Variants in SMPD3 observed in about 807,000 individuals in gnomAD.
SMPD3 encodes nSMase-2.
In SMPD3, 21 loss-of-function variants were observed where a neutral mutation model predicts 55.7. The observed-to-expected ratio is 0.38, with a 90% CI of 0.27 to 0.54. SMPD3 has a LOEUF of 0.54. Ranked by LOEUF, SMPD3 falls within the 20% of genes least tolerant of loss-of-function variation. The pLI is 0.80. For missense variants in SMPD3, 842 were observed against 899.6 expected, an observed-to-expected ratio of 0.94 and a Z score of 0.82; for synonymous variants, 457 against 404.3, an observed-to-expected ratio of 1.13 and a Z score of -1.56.
intron 3 of SMPD3, chr16:68,367,655 G>A (rs975081723): frequency 3.9e-5 from 6 of 152,262 alleles, no homozygotes; most frequent in Admixed American, 2.0e-4. Context: ...GAGGAGTGAC[G>A]AGGTCCTGCT....
intron 1 of SMPD3, among the ~76,000 whole-genome samples, chr16:68,400,080 C>G (rs1462689970): frequency 1.3e-5 from 2 of 152,212 alleles, no homozygotes; most frequent in East Asian, 1.9e-4. Flanking sequence ...AGTGGAGGAG[C>G]TGGGATTTGA....
intron 1 of SMPD3, among the ~76,000 whole-genome samples, chr16:68,417,540 C>T (rs1449296010): frequency 6.6e-6 from 1 of 152,202 alleles, no homozygotes; most frequent in African/African-American, 2.4e-5. Flanking sequence ...TGAACTTGGA[C>T]TTAGGAAATA....
chr16:68,442,106 C>G (rs937691099), intron 1 of SMPD3, among the ~76,000 whole-genome samples: 1 of 152,104 alleles, frequency 6.6e-6, no homozygotes, highest in African/African-American at 2.4e-5. Flanking sequence ...GGTATTGGAT[C>G]AAAGAAGCCT....
At chr16:68,441,699 T>C (rs1395311154) in intron 1 of SMPD3, among the ~76,000 whole-genome samples, 1 of 152,134 alleles carries the variant, frequency 6.6e-6, no homozygotes, top group Non-Finnish European at 1.5e-5. Context: ...AACAGATATA[T>C]AGACAGACAT....
chr16:68,370,955 A>G lies in SMPD3; in HGVS notation c.1227T>C (p.Phe409=), dbSNP rs1463760461. ...CGTCCATGATGGGGTAGCGGCTGGC[A>G]AAGAGGAGGCCGCTGTTGAGACACT... ...SFKCLNSGLL[F]ASRYPIMDVA... Residue 409 remains phenylalanine (F), a synonymous_variant, in exon 3 of 9, where the codon TTT becomes TTC. Transcript: ENST00000219334. The G allele has an allele frequency of 6.2e-7, 1 of 1,614,034 alleles. No individual in the cohort carries two copies. Among genetic ancestry groups the G allele is most frequent in the Admixed American group, 1.7e-5 (1 of 60,020 alleles).
chr16:68,405,191 T>G (rs1256719057), intron 1 of SMPD3, among the ~76,000 whole-genome samples: 2 of 152,090 alleles, frequency 1.3e-5, no homozygotes, highest in African/African-American at 2.4e-5. Context: ...CTCTGTATCT[T>G]CCATCCTGCT....
At chr16:68,427,981 C>A (rs1597664095) in intron 1 of SMPD3, among the ~76,000 whole-genome samples, 1 of 152,050 alleles carries the variant, frequency 6.6e-6, no homozygotes, top group Admixed American at 6.5e-5. Flanking sequence ...AGGGGAGGGT[C>A]TCATGCCACT....
At chr16:68,430,510 C>G (rs1040341317) in intron 1 of SMPD3, among the ~76,000 whole-genome samples, 8 of 152,214 alleles carry the variant, frequency 5.3e-5, no homozygotes, top group Non-Finnish European at 8.8e-5. Context: ...TAAATGGACT[C>G]TAGCTGACCC....
At chr16:68,378,304 G>A (rs1337584764) in intron 2 of SMPD3, among the ~76,000 whole-genome samples, 1 of 152,190 alleles carries the variant, frequency 6.6e-6, no homozygotes, top group African/African-American at 2.4e-5. Flanking sequence ...CATGAGCTCT[G>A]AGCTGCTGAA....
At chr16:68,438,031 C>A (rs180698901) in intron 1 of SMPD3, among the ~76,000 whole-genome samples, 13 of 152,264 alleles carry the variant, frequency 8.5e-5, no homozygotes, top group Admixed American at 3.9e-4. Flanking sequence ...TTTGCAATGA[C>A]CCCAACTCAG....
chr16:68,364,224 C>G (rs974874264), intron 5 of SMPD3, among the ~76,000 whole-genome samples: 1 of 152,170 alleles, frequency 6.6e-6, no homozygotes, highest in Non-Finnish European at 1.5e-5. Flanking sequence ...TCACTGATGA[C>G]GAGCTTGTAG....
chr16:68,427,208 G>C (rs543590252), intron 1 of SMPD3, among the ~76,000 whole-genome samples: 2 of 152,122 alleles, frequency 1.3e-5, no homozygotes, highest in South Asian at 4.2e-4. Flanking sequence ...TCACCACGTT[G>C]GCCAGGCTCG....
intron 1 of SMPD3, among the ~76,000 whole-genome samples, chr16:68,440,164 G>T (rs1183630925): frequency 6.6e-6 from 1 of 152,178 alleles, no homozygotes; most frequent in African/African-American, 2.4e-5. Context: ...TGTAGAAAAG[G>T]CACTGAAGAT....
intron 1 of SMPD3, among the ~76,000 whole-genome samples, chr16:68,396,291 C>G (rs2090156652): frequency 6.6e-6 from 1 of 152,122 alleles, no homozygotes; most frequent in African/African-American, 2.4e-5. Context: ...TCCCTCTACC[C>G]CCAGGATCGA....
At chr16:68,378,934 C>T (rs1157242858) in intron 2 of SMPD3, among the ~76,000 whole-genome samples, 1 of 152,228 alleles carries the variant, frequency 6.6e-6, no homozygotes, top group Non-Finnish European at 1.5e-5. Context: ...CTAGAGACAT[C>T]GTTGAGCTCT....
At chr16:68,429,769 G>C (rs528338728) in intron 1 of SMPD3, among the ~76,000 whole-genome samples, 43 of 152,248 alleles carry the variant, frequency 2.8e-4, no homozygotes, top group African/African-American at 1.0e-3. Flanking sequence ...CCTTTTCCTG[G>C]GACCAAGCAG....
In SMPD3 at chr16:68,443,506, T is replaced by C. The variant is rs553366789; in HGVS notation, c.-269+4847A>G. On this transcript the variant is annotated intron_variant, in intron 1 of 8. Coordinates refer to ENST00000219334, the MANE Select transcript of SMPD3 (RefSeq NM_018667.4). ...AATAACAGCTTCCTCATGTTTTTTT[T>C]CCTTCCTTTCTTAAAAACGAAAAAC... Among the ~76,000 whole-genome samples, 8 of 152,352 alleles carry C rather than the reference T, an allele frequency of 5.3e-5. No homozygotes were observed. In the South Asian group the frequency reaches 1.2e-3, roughly 24 times the overall value.
At chr16:68,397,151 G>A (rs2090164269) in intron 1 of SMPD3, among the ~76,000 whole-genome samples, 1 of 152,166 alleles carries the variant, frequency 6.6e-6, no homozygotes, top group Non-Finnish European at 1.5e-5. Flanking sequence ...CCCCATCCTG[G>A]TTAGCATTTT....
chr16:68,390,886 A>C (rs1275134454), intron 1 of SMPD3, among the ~76,000 whole-genome samples: 1 of 152,146 alleles, frequency 6.6e-6, no homozygotes, highest in Non-Finnish European at 1.5e-5. Flanking sequence ...ATCCCAGAGT[A>C]GCTGCTAGGG....
Sources: allele counts gnomAD v4.1 joint callset (sites outside exome capture counted in the v4.1 genomes callset), GRCh38; gene constraint gnomAD v4.1.1; transcripts MANE v1.5; gene names NCBI Gene and HGNC (gene_info 2026-07-23, HGNC 2026-07-21).